WFS1: variants seen among roughly 807,000 people sequenced by gnomAD.
WFS1 encodes wolframin.
In WFS1, 90 loss-of-function variants were observed where a neutral mutation model predicts 68.5. The observed-to-expected ratio is 1.31, with a 90% CI of 1.11 to 1.56. The LOEUF (loss-of-function observed/expected upper bound fraction) is 1.56. Ranked by LOEUF, WFS1 falls within the 40% of genes most tolerant of loss-of-function variation. The pLI, the probability that WFS1 is intolerant of heterozygous loss-of-function variation, is 0.00. For missense variants in WFS1, 1,767 were observed against 1,232.6 expected (o/e 1.43, Z -6.49); for synonymous variants, 860 against 540.7 (o/e 1.59, Z -8.19).
intron 2 of WFS1, among the ~76,000 whole-genome samples, chr4:6,284,234 A>C (rs1191838287): frequency 6.6e-6 from 1 of 152,070 alleles, no homozygotes; most frequent in Non-Finnish European, 1.5e-5. Context: ...TTAGCTGGGC[A>C]TGGTGGCGGC....
At chr4:6,296,441 G>C (rs995862284) in intron 7 of WFS1, among the ~76,000 whole-genome samples, 1 of 152,218 alleles carries the variant, frequency 6.6e-6, no homozygotes, top group Non-Finnish European at 1.5e-5. Context: ...GTCTGCAGAG[G>C]TTCTGAGACA....
chr4:6,275,699 C>T (rs1340740737), intron 1 of WFS1, among the ~76,000 whole-genome samples: 1 of 152,130 alleles, frequency 6.6e-6, no homozygotes, highest in Admixed American at 6.5e-5. Context: ...GGATTGAAAT[C>T]TGCAGAGTTC....
At chr4:6,298,266 G>T (rs1560415032) in intron 7 of WFS1, among the ~76,000 whole-genome samples, 1 of 152,216 alleles carries the variant, frequency 6.6e-6, no homozygotes, top group Non-Finnish European at 1.5e-5. Flanking sequence ...AGCTGGCCTG[G>T]CGTCATACTA....
Position 6,291,999 on chromosome 4 carries a change from T to A in WFS1, c.712+2T>A, listed in dbSNP as rs751118125. 1 of 1,605,420 alleles carries A rather than the reference T, an allele frequency of 6.2e-7. No individual in the cohort carries two copies. The highest frequency in any genetic ancestry group is 2.2e-5 in the East Asian group (1 of 44,482). On this transcript the variant is annotated splice_donor_variant, in intron 6 of 7. Transcript: ENST00000226760. LOFTEE classifies it high-confidence loss of function. ...TGGAGCGCCTGGTCAGCAGCGAGTG[T>A]GAGTGCAGCCCCTGCCCCGTCTCAC... is the stretch of plus-strand genomic sequence containing the variant.
Position 6,273,831 on chromosome 4 carries a change from C to T in WFS1, c.-5-3620C>T, listed in dbSNP as rs78195061. Among the ~76,000 whole-genome samples the T allele has an allele frequency of 5.0e-3, 768 of 152,306 alleles. 29 individuals carry two copies. The East Asian group carries it at 0.093, about 19-fold the overall frequency. ...GATCCAAACCAGACTTGGCCAACCC[C>T]CAGGGAACCTGAAAATTAATCCTCC... On this transcript the variant is annotated intron_variant, in intron 1 of 7. Coordinates refer to ENST00000226760, the MANE Select transcript of WFS1 (RefSeq NM_006005.3).
At chr4:6,293,593 G>C (rs563916237) in intron 6 of WFS1, among the ~76,000 whole-genome samples, 1 of 152,182 alleles carries the variant, frequency 6.6e-6, no homozygotes, top group African/African-American at 2.4e-5. Context: ...GGGCAGAGAT[G>C]ACTGCTCTTC....
In WFS1 at chr4:6,302,482, C is replaced by G; in HGVS notation, c.*14C>G. 1 of 1,612,088 alleles carries G rather than the reference C, an allele frequency of 6.2e-7. No individual in the cohort carries two copies. Among genetic ancestry groups the G allele is most frequent in the Non-Finnish European group, 8.5e-7 (1 of 1,180,024 alleles). On this transcript the variant is annotated 3_prime_UTR_variant, in exon 8 of 8. Coordinates refer to ENST00000226760, the MANE Select transcript of WFS1 (RefSeq NM_006005.3). ...TCGGCGGCCTGAGGATGGTCCGCCA[C>G]GAGGAGCTTCCAGTGCATGTTGCCA...
chr4:6,296,103 G>A (rs372459452), intron 7 of WFS1, among the ~76,000 whole-genome samples: 5 of 152,330 alleles, frequency 3.3e-5, no homozygotes, highest in South Asian at 2.1e-4. Context: ...AGATGGGCGC[G>A]TGAGTCAGGG....
At chr4:6,295,316 T>A in intron 7 of WFS1, 127 bp downstream of exon 7, 1 of 1,144,338 alleles carries the variant, frequency 8.7e-7, no homozygotes, top group Non-Finnish European at 1.3e-6. Context: ...CTTACAGCCG[T>A]GCCGCTGGTA....
At position 6,302,290 on chromosome 4, in the gene WFS1, G is replaced by A. The variant is rs141816346; in HGVS notation, c.2495G>A (p.Arg832His). 32 of 1,605,008 alleles carry A rather than the reference G, an allele frequency of 2.0e-5. No individual in the cohort carries two copies. The highest frequency in any genetic ancestry group is 2.6e-5 in the Non-Finnish European group (31 of 1,174,208). ...GAGTTCAGCACCATCCTGGAGGGCC[G>A]CCTGGGCAGCAAGTGGCCTGTCTTC... ...LIEFSTILEGRLGSKWPVFEL... is the reference protein window; with the variant it reads ...LIEFSTILEGHLGSKWPVFEL... Residue 832 changes from arginine to histidine, a missense_variant, in exon 8 of 8, where the codon CGC becomes CAC. Coordinates refer to ENST00000226760, the MANE Select transcript of WFS1 (RefSeq NM_006005.3).
intron 3 of WFS1, chr4:6,288,719 A>G (rs1560408435): frequency 4.0e-6 from 2 of 503,590 alleles, no homozygotes; most frequent in South Asian, 4.0e-5. Flanking sequence ...CTCAAGGAAG[A>G]GAACCTGTAC....
chr4:6,292,922 C>T (rs1195218142), intron 6 of WFS1, among the ~76,000 whole-genome samples: 4 of 152,224 alleles, frequency 2.6e-5, no homozygotes, highest in Admixed American at 6.5e-5. Flanking sequence ...GTGAGGAAAC[C>T]GTCCATAGGG....
intron 7 of WFS1, among the ~76,000 whole-genome samples, chr4:6,299,457 T>G: frequency 7.3e-6 from 1 of 137,492 alleles, no homozygotes; most frequent in African/African-American, 2.8e-5. Flanking sequence ...TGGGTGTGCA[T>G]GTGTGAGGGT....
In WFS1 at chr4:6,288,974, G is replaced by A; in HGVS notation, c.316-13G>A. The stretch of plus-strand genomic sequence containing the variant: ...TCGGAGAATCTGGAGGCTGACTGGT[G>A]TCTGGCTTGCAGGTGGGGAAGCACT... On this transcript the variant is annotated splice_polypyrimidine_tract_variant and intron_variant, in intron 3 of 7. Transcript: ENST00000226760. The A allele has an allele frequency of 1.2e-6, 2 of 1,606,832 alleles. No homozygotes were observed. Among genetic ancestry groups the A allele is most frequent in the Non-Finnish European group, 1.7e-6 (2 of 1,177,218 alleles).
intron 5 of WFS1, among the ~76,000 whole-genome samples, chr4:6,291,670 A>G (rs1464041823): frequency 1.3e-5 from 2 of 152,184 alleles, no homozygotes; most frequent in Admixed American, 6.5e-5. Context: ...GACCACGTCT[A>G]CCAATGGGAC....
chr4:6,289,885 C>A (rs1730414600), intron 4 of WFS1, among the ~76,000 whole-genome samples: 1 of 152,152 alleles, frequency 6.6e-6, no homozygotes. Flanking sequence ...ACAAATTACT[C>A]ATAACCTTGA....
At chr4:6,290,064 G>C (rs1183669791) in intron 4 of WFS1, among the ~76,000 whole-genome samples, 1 of 152,154 alleles carries the variant, frequency 6.6e-6, no homozygotes, top group East Asian at 1.9e-4. Context: ...TCAGCCTTTT[G>C]AGTAGCTGAG....
intron 7 of WFS1, among the ~76,000 whole-genome samples, chr4:6,297,843 T>C (rs1217428114): frequency 6.6e-6 from 1 of 152,180 alleles, no homozygotes; most frequent in African/African-American, 2.4e-5. Flanking sequence ...GAGGAAGGTC[T>C]TGGGTGTACA....
In WFS1 at chr4:6,288,950, C is replaced by T. The variant is rs4688990; in HGVS notation, c.316-37C>T. ...CAGGGAGCATGGGGTGGGAGAGGGT[C>T]GGAGAATCTGGAGGCTGACTGGTGT... On this transcript the variant is annotated intron_variant, in intron 3 of 7. Transcript: ENST00000226760. The T allele has an allele frequency of 8.2e-3, 13,043 of 1,599,632 alleles. 90 individuals carry two copies. The highest frequency in any genetic ancestry group is 0.019 in the Middle Eastern group (111 of 5,932).
Sources: gnomAD v4.1 joint callset for allele counts (sites outside exome capture counted in the v4.1 genomes callset) on GRCh38, gnomAD v4.1.1 for gene constraint, MANE v1.5 for transcripts, NCBI Gene and HGNC (gene_info 2026-07-23, HGNC 2026-07-21) for gene names.